Variants in DMD observed in about 807,000 individuals in gnomAD.
DMD encodes the protein dystrophin, also known as mutant dystrophin.
DMD carries 63 observed loss-of-function variants against 330.1 expected under a neutral mutation model. The observed-to-expected ratio is 0.19, with a 90% confidence interval of 0.16 to 0.24. The LOEUF is 0.24. Ranked by LOEUF, DMD falls within the 10% of genes least tolerant of loss-of-function variation. The pLI is 1.00. For missense variants in DMD, 3,344 were observed against 2,684.1 expected (o/e 1.25, Z -5.43); for synonymous variants, 1,223 against 959.8 (o/e 1.27, Z -5.07).
intron 1 of DMD, among the ~76,000 whole-genome samples, chrX:33,132,563 C>A (rs1307414054): frequency 8.9e-6 from 1 of 112,357 alleles, no homozygotes; most frequent in Non-Finnish European, 1.9e-5. Flanking sequence ...AGCAGTCCTG[C>A]GGACAACAAA....
At chrX:32,490,603 T>C (rs1165145615) in intron 20 of DMD, among the ~76,000 whole-genome samples, 1 of 110,965 alleles carries the variant, frequency 9.0e-6, no homozygotes, top group African/African-American at 3.3e-5. Flanking sequence ...CTGACTCCAT[T>C]TCTATGAGGA....
intron 1 of DMD, among the ~76,000 whole-genome samples, chrX:33,033,545 C>A (rs1348026300): frequency 1.5e-5 from 1 of 65,366 alleles, no homozygotes; most frequent in Non-Finnish European, 2.5e-5. Flanking sequence ...CCCGTCTCTA[C>A]TAAAAATACA....
At chrX:32,547,317 T>C (rs2148971500) in intron 16 of DMD, among the ~76,000 whole-genome samples, 1 of 111,149 alleles carries the variant, frequency 9.0e-6, no homozygotes, top group East Asian at 2.8e-4. Flanking sequence ...ATTGGATACA[T>C]GTGCCCATGG....
chrX:32,821,587 CAAAATAAAAATAAAAA>C (rs1193825788), intron 5 of DMD, among the ~76,000 whole-genome samples: 1 of 103,760 alleles, frequency 9.6e-6, no homozygotes, highest in Non-Finnish European at 2.0e-5. Flanking sequence ...GACTCTGTCT[CAAAATAAAAATAAAAA>C]AAAATAAAAA....
At chrX:31,343,896 A>AT (rs2148458006) in intron 61 of DMD, among the ~76,000 whole-genome samples, 1 of 110,308 alleles carries the variant, frequency 9.1e-6, no homozygotes, top group East Asian at 2.8e-4. Flanking sequence ...TTTAAAACAT[A>AT]TTTTTATTCA....
At chrX:32,647,642 G>C (rs1191275398) in intron 9 of DMD, among the ~76,000 whole-genome samples, 3 of 111,942 alleles carry the variant, frequency 2.7e-5, no homozygotes. Context: ...CTTAGTTTCT[G>C]CTTCTGTAAA....
intron 60 of DMD, among the ~76,000 whole-genome samples, chrX:31,390,328 C>A (rs767759544): frequency 9.1e-6 from 1 of 109,445 alleles, no homozygotes; most frequent in Non-Finnish European, 1.9e-5. Context: ...TCTTTACATG[C>A]TAAGTGATTT....
chrX:32,195,093 G>A (rs1237638359), intron 44 of DMD, among the ~76,000 whole-genome samples: 2 of 111,245 alleles, frequency 1.8e-5, no homozygotes, highest in Non-Finnish European at 3.8e-5. Flanking sequence ...ATAAATTTTT[G>A]GAGACAGAAG....
intron 1 of DMD, among the ~76,000 whole-genome samples, chrX:33,307,338 AAAAT>A (rs1193559751): frequency 8.9e-6 from 1 of 112,116 alleles, no homozygotes; most frequent in Non-Finnish European, 1.9e-5. Context: ...TAATTTTGTA[AAAAT>A]AAATAAATAA....
chrX:32,409,552 C>T (rs10521993), intron 30 of DMD, among the ~76,000 whole-genome samples: 20,079 of 110,724 alleles, frequency 0.18, 1,670 homozygotes, highest in African/African-American at 0.32. Flanking sequence ...ACTAAAGATG[C>T]TTCGCCCTAA....
rs779699195 is a variant in DMD at position 31,732,100 on chromosome X, GAGA to G, written c.7543-2355_7543-2353del. On this transcript the variant is annotated intron_variant, in intron 51 of 78. Transcript: ENST00000357033. ...ACAGACACATGCTTTGTAAGCACCT[GAGA>G]AGATTATTAATGAGATCCTTTGAAG... Among the ~76,000 whole-genome samples, 725 of 111,319 alleles carry G rather than the reference GAGA, an allele frequency of 6.5e-3. 7 individuals carry two copies. Among genetic ancestry groups the G allele is most frequent in the African/African-American group, 0.022 (690 of 30,703 alleles).
chrX:32,383,265 T>C (rs780199352), intron 33 of DMD, among the ~76,000 whole-genome samples: 2 of 110,852 alleles, frequency 1.8e-5, no homozygotes, highest in Non-Finnish European at 3.8e-5. Flanking sequence ...CAGAAATCAA[T>C]TTACCTAGTT....
intron 25 of DMD, among the ~76,000 whole-genome samples, chrX:32,455,982 G>A (rs2098356129): frequency 9.0e-6 from 1 of 111,060 alleles, no homozygotes; most frequent in Non-Finnish European, 1.9e-5. Flanking sequence ...GCACTCTATA[G>A]TATTACAATC....
intron 50 of DMD, among the ~76,000 whole-genome samples, chrX:31,798,547 TA>T (rs771274667): frequency 0.016 from 1,416 of 85,937 alleles, 26 homozygotes; most frequent in African/African-American, 0.047. Flanking sequence ...TGGAATGAAG[TA>T]AAAAAAAAAA....
chrX:33,283,130 A>G (rs2053365103), intron 1 of DMD, among the ~76,000 whole-genome samples: 1 of 112,592 alleles, frequency 8.9e-6, no homozygotes, highest in Non-Finnish European at 1.9e-5. Context: ...ACAACTTTTA[A>G]AAAGAAATGT....
At chrX:32,502,381 C>T (rs750488328) in intron 18 of DMD, among the ~76,000 whole-genome samples, 2 of 111,369 alleles carry the variant, frequency 1.8e-5, no homozygotes, top group African/African-American at 3.3e-5. Context: ...AATCAAAGTA[C>T]TCCTATTTCC....
chrX:32,211,688 A>C (rs1456902108), intron 44 of DMD, among the ~76,000 whole-genome samples: 1 of 112,047 alleles, frequency 8.9e-6, no homozygotes, highest in Non-Finnish European at 1.9e-5. Context: ...TTAATGTCTT[A>C]AGGTCGATTT....
At chrX:32,465,955 C>T (rs2039982212) in intron 23 of DMD, among the ~76,000 whole-genome samples, 1 of 111,552 alleles carries the variant, frequency 9.0e-6, no homozygotes, top group Non-Finnish European at 1.9e-5. Flanking sequence ...TCACCTCATT[C>T]TAATTACTGA....
At chrX:32,376,662 G>T (rs765432623) in intron 34 of DMD, among the ~76,000 whole-genome samples, 1 of 111,065 alleles carries the variant, frequency 9.0e-6, no homozygotes, top group South Asian at 3.8e-4. Context: ...TGCATCATCT[G>T]GGGCCTGCCC....
Sources: gnomAD v4.1 joint callset for allele counts (sites outside exome capture counted in the v4.1 genomes callset) on GRCh38, gnomAD v4.1.1 for gene constraint, MANE v1.5 for transcripts, NCBI Gene and HGNC (gene_info 2026-07-23, HGNC 2026-07-21) for gene names.